SBF2: variants seen among roughly 807,000 people sequenced by gnomAD.
SBF2 encodes myotubularin-related protein 13.
In SBF2, 112 loss-of-function variants were observed where a neutral mutation model predicts 225.2. The observed-to-expected ratio is 0.50, with a 90% CI of 0.43 to 0.58. The LOEUF is 0.58. SBF2 is among the 20% of genes least tolerant of loss of function. The pLI is 0.00. For missense variants in SBF2, 1,996 were observed against 2,206.2 expected (o/e 0.90, Z 1.91); for synonymous variants, 763 against 773.3 (o/e 0.99, Z 0.22).
At chr11:9,835,293 C>T (rs1855662545) in intron 26 of SBF2, among the ~76,000 whole-genome samples, 1 of 151,920 alleles carries the variant, frequency 6.6e-6, no homozygotes, top group Non-Finnish European at 1.5e-5. Flanking sequence ...AGTATTTCCT[C>T]CAAGTCACTA....
rs754420711 is a variant in SBF2, at chr11:9,832,440, A to G, written c.3456-20T>C. On this transcript the variant is annotated intron_variant, in intron 26 of 39. Coordinates refer to ENST00000256190, the MANE Select transcript of SBF2 (RefSeq NM_030962.4). Reference sequence around the variant, plus strand: ...GGATAGCTTCAGAGACATAGAATAGAGAAGAGAATGATTGGGGGAAGGAAC... The same window carrying G: ...GGATAGCTTCAGAGACATAGAATAGGGAAGAGAATGATTGGGGGAAGGAAC... The G allele has an allele frequency of 6.3e-7, 1 of 1,580,530 alleles. No homozygotes were observed.
chr11:10,181,165 A>G (rs1956720884), intron 2 of SBF2, among the ~76,000 whole-genome samples: 1 of 152,100 alleles, frequency 6.6e-6, no homozygotes, highest in South Asian at 2.1e-4. Flanking sequence ...AGAAATAAAG[A>G]AAACTTTTTT....
At chr11:10,210,156 A>G (rs765731329) in intron 1 of SBF2, among the ~76,000 whole-genome samples, 8 of 151,974 alleles carry the variant, frequency 5.3e-5, no homozygotes, top group Non-Finnish European at 1.0e-4. Context: ...AAGAACACAA[A>G]AATTAGCTGA....
chr11:10,012,424 G>A (rs1310491131), intron 6 of SBF2, among the ~76,000 whole-genome samples: 5 of 152,208 alleles, frequency 3.3e-5, no homozygotes, highest in Admixed American at 3.3e-4. Flanking sequence ...TTACAGGTAT[G>A]AGCCACGATG....
At chr11:10,249,463 AAAG>A (rs1960132494) in intron 1 of SBF2, among the ~76,000 whole-genome samples, 1 of 152,186 alleles carries the variant, frequency 6.6e-6, no homozygotes, top group African/African-American at 2.4e-5. Context: ...CAAAGAAAAA[AAAG>A]AAGGGAAAGA....
chr11:9,835,598 C>A lies in SBF2; in HGVS notation c.3456-3178G>T, dbSNP rs932913747. On this transcript the variant is annotated intron_variant, in intron 26 of 39. Transcript: ENST00000256190. ...AGTGAGTTGGAATCACATCACTGCA[C>A]TCCAGCCTGGGAGACAGAGCAAGAC... Among the ~76,000 whole-genome samples, 69 of 118,634 alleles carry A rather than the reference C, an allele frequency of 5.8e-4. 1 individual carries two copies. The highest frequency in any genetic ancestry group is 9.7e-5 in the Non-Finnish European group (6 of 61,702). 77.8% of individuals were successfully genotyped at this position (118,634 alleles called of 152,430 possible).
At chr11:10,089,199 C>T (rs1206362716) in intron 2 of SBF2, among the ~76,000 whole-genome samples, 1 of 152,134 alleles carries the variant, frequency 6.6e-6, no homozygotes, top group Non-Finnish European at 1.5e-5. Context: ...ATCCTTTAAA[C>T]CCCTCCCACC....
At chr11:10,224,282 T>C (rs1202447278) in intron 1 of SBF2, among the ~76,000 whole-genome samples, 1 of 152,176 alleles carries the variant, frequency 6.6e-6, no homozygotes, top group Non-Finnish European at 1.5e-5. Context: ...TGTTGTTAAA[T>C]GGTCAACTAT....
At chr11:9,906,601 G>A (rs1362556940) in intron 16 of SBF2, among the ~76,000 whole-genome samples, 1 of 152,168 alleles carries the variant, frequency 6.6e-6, no homozygotes, top group Non-Finnish European at 1.5e-5. Flanking sequence ...AAGTTAATTA[G>A]GTTGAAAGAG....
chr11:9,938,024 A>G lies in SBF2; in HGVS notation c.1860+23933T>C, dbSNP rs142151675. Among the ~76,000 whole-genome samples, 718 of 148,920 alleles carry G rather than the reference A, an allele frequency of 4.8e-3. 9 individuals are homozygous for G. The highest frequency in any genetic ancestry group is 0.042 in the East Asian group (204 of 4,802). On this transcript the variant is annotated intron_variant, in intron 16 of 39. Coordinates refer to ENST00000256190, the MANE Select transcript of SBF2 (RefSeq NM_030962.4). Reference sequence around the variant, plus strand: ...TTAAATTTTCAGGGTCGGGCACGGTAGCTCACACTTGTAATCCCAGCACTT... The same window carrying G: ...TTAAATTTTCAGGGTCGGGCACGGTGGCTCACACTTGTAATCCCAGCACTT...
In SBF2 at chr11:9,840,220, C is replaced by T. The variant is rs549261749; in HGVS notation, c.3257-524G>A. Among the ~76,000 whole-genome samples the T allele has an allele frequency of 3.4e-5, 5 of 146,434 alleles. No individual in the cohort carries two copies. The East Asian group carries it at 5.9e-4, about 17-fold the overall frequency. On this transcript the variant is annotated intron_variant, in intron 25 of 39. Transcript: ENST00000256190. Reference sequence around the variant, plus strand: ...CTGCACTCCAGCCTGGGCAACCGAGCGAGACTTTGTCTCAAACCCCGCCCC... The same window carrying T: ...CTGCACTCCAGCCTGGGCAACCGAGTGAGACTTTGTCTCAAACCCCGCCCC...
At chr11:10,029,704 T>C (rs1402358611) in intron 5 of SBF2, 61 bp downstream of exon 5, 2 of 1,074,668 alleles carry the variant, frequency 1.9e-6, no homozygotes, top group Admixed American at 1.7e-5. Context: ...ATAAATTAAA[T>C]TAACTGGAGG....
At chr11:9,838,254 A>C (rs1368698309) in intron 26 of SBF2, 1 of 151,666 alleles carries the variant, frequency 6.6e-6, no homozygotes, top group Non-Finnish European at 1.5e-5. Flanking sequence ...CCTGCTAATA[A>C]CTTAATGGAT....
chr11:9,822,480 T>G (rs1164335103), intron 28 of SBF2, among the ~76,000 whole-genome samples: 1 of 152,134 alleles, frequency 6.6e-6, no homozygotes, highest in East Asian at 1.9e-4. Flanking sequence ...CAGGATGGTC[T>G]CGATCTCCTG....
At chr11:10,200,570 T>C (rs72861762) in intron 1 of SBF2, among the ~76,000 whole-genome samples, 12,944 of 152,242 alleles carry the variant, frequency 0.085, 803 homozygotes, top group Non-Finnish European at 0.11. Context: ...TCTGTACCTG[T>C]ACAAAAGATT....
At chr11:10,178,569 T>C (rs1373428614) in intron 2 of SBF2, among the ~76,000 whole-genome samples, 1 of 149,332 alleles carries the variant, frequency 6.7e-6, no homozygotes, top group African/African-American at 2.5e-5. Flanking sequence ...AAGACATTTA[T>C]GCAGCCAAAA....
At chr11:10,124,870 C>G (rs1024081419) in intron 2 of SBF2, among the ~76,000 whole-genome samples, 6 of 151,796 alleles carry the variant, frequency 4.0e-5, no homozygotes, top group Non-Finnish European at 8.8e-5. Flanking sequence ...TTTGGGAGGC[C>G]GAGGCAGGCG....
intron 1 of SBF2, among the ~76,000 whole-genome samples, chr11:10,198,830 C>A (rs1957473363): frequency 6.6e-6 from 1 of 152,232 alleles, no homozygotes; most frequent in Non-Finnish European, 1.5e-5. Context: ...GAACCAACCT[C>A]CAGCTTCAAA....
chr11:10,102,148 T>G (rs1239658461), intron 2 of SBF2, among the ~76,000 whole-genome samples: 1 of 152,200 alleles, frequency 6.6e-6, no homozygotes, highest in African/African-American at 2.4e-5. Context: ...AGGTATCAGA[T>G]TTGCTAAATG....
Sources: gnomAD v4.1 joint callset for allele counts (sites outside exome capture counted in the v4.1 genomes callset) on GRCh38, gnomAD v4.1.1 for gene constraint, MANE v1.5 for transcripts, NCBI Gene and HGNC (gene_info 2026-07-23, HGNC 2026-07-21) for gene names.